Variants in VPS13A observed in about 807,000 individuals in gnomAD.
VPS13A encodes vacuolar protein sorting 13 homolog A.
VPS13A carries 264 observed loss-of-function variants against 390.9 expected under a neutral mutation model. The observed-to-expected ratio is 0.68, with a 90% CI of 0.61 to 0.75. The LOEUF is 0.75. VPS13A is among the 30% of genes least tolerant of loss of function. VPS13A has a pLI of 0.00. For missense variants in VPS13A, 3,409 were observed against 3,733.9 expected (o/e 0.91, Z 2.27); for synonymous variants, 1,231 against 1,227.1 (o/e 1.00, Z -0.07).
intron 68 of VPS13A, among the ~76,000 whole-genome samples, chr9:77,399,167 TAAAAAAAAAAAAATAAAAA>T (rs1834247887): frequency 2.3e-5 from 2 of 86,060 alleles, no homozygotes; most frequent in South Asian, 3.7e-4. Flanking sequence ...TAGAGTATAA[TAAAAAAAAAAAAATAAAAA>T]AAAAAAAAAA....
chr9:77,226,096 T>G, intron 14 of VPS13A, 108 bp downstream of exon 14: 1 of 1,037,772 alleles, frequency 9.6e-7, no homozygotes, highest in Non-Finnish European at 1.4e-6. Flanking sequence ...CAAAAAGTGG[T>G]TCAATTTGCT....
intron 45 of VPS13A, 39 bp downstream of exon 45, chr9:77,323,266 A>C (rs1829842936): frequency 1.2e-6 from 2 of 1,605,636 alleles, no homozygotes; most frequent in East Asian, 2.2e-5. Flanking sequence ...CCTGTTATGC[A>C]TATCTGTGTG....
In VPS13A at chr9:77,353,403, T is replaced by G. The variant is rs1264767771; in HGVS notation, c.7420-6T>G. ...TTTTTTTTTTTTTTTGGTGGTTTTA[T>G]TCTAGGATATGATGATGCCTATAGA... On this transcript the variant is annotated splice_region_variant and splice_polypyrimidine_tract_variant and intron_variant, in intron 53 of 71. Coordinates refer to ENST00000360280, the MANE Select transcript of VPS13A (RefSeq NM_033305.3). 1 of 1,585,478 alleles carries G rather than the reference T, an allele frequency of 6.3e-7. No individual in the cohort carries two copies. Among genetic ancestry groups the G allele is most frequent in the African/African-American group, 1.4e-5 (1 of 73,652 alleles).
intron 2 of VPS13A, among the ~76,000 whole-genome samples, chr9:77,200,597 C>T (rs570167366): frequency 6.6e-6 from 1 of 152,056 alleles, no homozygotes; most frequent in East Asian, 1.9e-4. Flanking sequence ...GCTGTGTCAC[C>T]CCAGGCTGCA....
rs1264376242 is a variant in VPS13A, at chr9:77,210,660, A to C, written c.540A>C (p.Gln180His). ...DKPLSFGISL[Q>H]NLSMQTTDQY... ...CGCTGTCATTTGGTATTTCCCTTCA[A>C]AATCTGAGCATGCAGGTATTTTGTT... Residue 180 changes from glutamine to histidine, a missense_variant, in exon 7 of 72, where the codon CAA (glutamine) becomes CAC (histidine). Around this residue, in one of 5 missense-constraint regions of VPS13A, gnomAD observed 2,717 missense variants for 2,917.4 expected, o/e 0.93. Transcript: ENST00000360280. The C allele has an allele frequency of 6.2e-7, 1 of 1,613,720 alleles. No individual in the cohort carries two copies. Among genetic ancestry groups the C allele is most frequent in the African/African-American group, 1.3e-5 (1 of 74,898 alleles).
At chr9:77,308,194 C>A in intron 35 of VPS13A, 96 bp downstream of exon 35, 1 of 1,332,736 alleles carries the variant, frequency 7.5e-7, no homozygotes, top group Non-Finnish European at 1.1e-6. Flanking sequence ...TTCCCTCCTT[C>A]CTCCCCTCTT....
chr9:77,314,275 T>A (rs753307078), intron 36 of VPS13A, among the ~76,000 whole-genome samples, 156 bp downstream of exon 36: 6 of 152,298 alleles, frequency 3.9e-5, no homozygotes, highest in Non-Finnish European at 7.4e-5. Flanking sequence ...TTATAACTAT[T>A]TCCCTTTTAA....
At chr9:77,254,400 A>G (rs1362325548) in intron 22 of VPS13A, among the ~76,000 whole-genome samples, 3 of 152,196 alleles carry the variant, frequency 2.0e-5, no homozygotes, top group East Asian at 3.9e-4. Flanking sequence ...ATTGGTCTCT[A>G]TGTCTTTATT....
intron 68 of VPS13A, chr9:77,384,529 A>C: frequency 1.2e-6 from 2 of 1,607,686 alleles, no homozygotes; most frequent in East Asian, 4.5e-5. Context: ...GTTTTCAAGC[A>C]ATTTGCCATA....
chr9:77,382,513 T>C (rs1462867200), intron 68 of VPS13A: 10 of 1,261,912 alleles, frequency 7.9e-6, no homozygotes, highest in East Asian at 3.4e-5. Flanking sequence ...TTGTACCTTA[T>C]GTATCCTCGT....
intron 23 of VPS13A, among the ~76,000 whole-genome samples, chr9:77,268,897 G>A (rs564901767): frequency 1.8e-3 from 266 of 149,568 alleles, no homozygotes; most frequent in African/African-American, 3.8e-3. Flanking sequence ...CCAAGATTGC[G>A]CCACTGCACT....
chr9:77,199,194 T>C (rs1255335148), intron 1 of VPS13A, among the ~76,000 whole-genome samples: 1 of 152,186 alleles, frequency 6.6e-6, no homozygotes, highest in Non-Finnish European at 1.5e-5. Context: ...AATTAACTAA[T>C]AACATAATTA....
intron 17 of VPS13A, 125 bp downstream of exon 17, chr9:77,228,389 G>A: frequency 3.2e-6 from 3 of 943,258 alleles, no homozygotes; most frequent in East Asian, 2.9e-5. Context: ...TGTGGTTTCA[G>A]GAAAAAGGTT....
At chr9:77,406,445 AG>A (rs1405977001) in intron 70 of VPS13A, among the ~76,000 whole-genome samples, 2 of 148,928 alleles carry the variant, frequency 1.3e-5, no homozygotes, top group Non-Finnish European at 3.0e-5. Context: ...TTTGAGACAG[AG>A]TCTTGCCCTG....
rs945086456 is a variant in VPS13A at position 77,382,206 on chromosome 9, T to C, written c.9189+119T>C. ...TTTATCTATTTTGCTTAATTCCACT[T>C]ATAAGTTTCTTATATTTACTTAGAT... On this transcript the variant is annotated intron_variant, in intron 68 of 71. Coordinates refer to ENST00000360280, the MANE Select transcript of VPS13A (RefSeq NM_033305.3). 26 of 1,363,896 alleles carry C rather than the reference T, an allele frequency of 1.9e-5. No individual in the cohort carries two copies. The South Asian group carries it at 3.7e-4, about 19-fold the overall frequency. The allele number at this position is 1,363,896 out of a possible 1,614,324, so 84.5% of individuals were successfully genotyped here.
At chr9:77,375,466 G>T (rs1047055517) in intron 67 of VPS13A, among the ~76,000 whole-genome samples, 2 of 152,100 alleles carry the variant, frequency 1.3e-5, no homozygotes, top group Non-Finnish European at 2.9e-5. Context: ...TAAAGAGGAT[G>T]TATTTACTAA....
intron 1 of VPS13A, among the ~76,000 whole-genome samples, chr9:77,197,077 T>G (rs1825046902): frequency 6.6e-6 from 1 of 152,214 alleles, no homozygotes; most frequent in Admixed American, 6.5e-5. Context: ...TGATTTTTAT[T>G]TATCTGATGA....
chr9:77,370,404 A>G lies in VPS13A; in HGVS notation c.8744-11A>G, dbSNP rs762229449. ...GGCATCATTACTTTTACTAAAGATAATTTCTGTCAGGTGGATTGGCTGGTG... is the reference window on the plus strand; with the variant it reads ...GGCATCATTACTTTTACTAAAGATAGTTTCTGTCAGGTGGATTGGCTGGTG... On this transcript the variant is annotated splice_polypyrimidine_tract_variant and intron_variant, in intron 64 of 71. Transcript: ENST00000360280. 2.5e-6 allele frequency: 4 copies of G among 1,614,116 alleles called. No individual in the cohort carries two copies. The highest frequency in any genetic ancestry group is 2.5e-6 in the Non-Finnish European group (3 of 1,180,018).
chr9:77,416,773 A>G lies in VPS13A; in HGVS notation c.*767A>G, dbSNP rs1347561623. The G allele has an allele frequency of 2.0e-5, 3 of 152,478 alleles. No individual in the cohort carries two copies. Among genetic ancestry groups the G allele is most frequent in the Non-Finnish European group, 2.9e-5 (2 of 68,034 alleles). The allele number at this position is 152,478 out of a possible 1,614,324, so 9.4% of individuals were successfully genotyped here. ...TTGGTTTACCCAAGTCATGTTTTTAATAGACTGCTAATATCAAAGGAGAAT... is the reference window on the plus strand; with the variant it reads ...TTGGTTTACCCAAGTCATGTTTTTAGTAGACTGCTAATATCAAAGGAGAAT... On this transcript the variant is annotated 3_prime_UTR_variant, in exon 72 of 72. Coordinates refer to ENST00000360280, the MANE Select transcript of VPS13A (RefSeq NM_033305.3).
Sources: gnomAD v4.1 joint callset for allele counts (sites outside exome capture counted in the v4.1 genomes callset) on GRCh38, gnomAD v4.1.1 for gene constraint, gnomAD v4.1.1 regional missense constraint, MANE v1.5 for transcripts, NCBI Gene and HGNC (gene_info 2026-07-23, HGNC 2026-07-21) for gene names.